CRYBG1: variants seen among roughly 807,000 people sequenced by gnomAD.
CRYBG1 encodes crystallin beta-gamma domain containing 1.
Under a neutral mutation model 189.2 loss-of-function variants are expected in CRYBG1, and 139 were observed. The ratio of observed to expected loss-of-function variants is 0.73; its 90% CI spans 0.64 to 0.85. The LOEUF (loss-of-function observed/expected upper bound fraction) is 0.85. CRYBG1 is among the 40% of genes least tolerant of loss of function. The pLI, the probability that CRYBG1 is intolerant of heterozygous loss-of-function variation, is 0.00. For synonymous variants in CRYBG1, 1,023 were observed against 1,017.1 expected (o/e 1.01, Z -0.11); for missense variants, 2,611 against 2,675.8 (o/e 0.98, Z 0.53).
chr6:106,369,837 A>G (rs1769979458), intron 1 of CRYBG1, among the ~76,000 whole-genome samples: 1 of 152,218 alleles, frequency 6.6e-6, no homozygotes, highest in Middle Eastern at 3.2e-3. Context: ...AGGCACTATT[A>G]TTAGTCCCAT....
At position 106,451,842 on chromosome 6, in the gene CRYBG1, C is replaced by T. The variant is rs1171949917; in HGVS notation, c.312+10C>T. On this transcript the variant is annotated intron_variant, in intron 2 of 21. Coordinates refer to ENST00000633556, the MANE Select transcript of CRYBG1 (RefSeq NM_001371242.2). ...TGGAATATTTAAAAAGGTAATGCTTCATTTCTAATGTTTGACTCCCAAGAA... is the reference window on the plus strand; with the variant it reads ...TGGAATATTTAAAAAGGTAATGCTTTATTTCTAATGTTTGACTCCCAAGAA... 6.5e-7 allele frequency: 1 copy of T among 1,532,552 alleles called. No individual in the cohort carries two copies. Among genetic ancestry groups the T allele is most frequent in the South Asian group, 1.2e-5 (1 of 83,694 alleles). 94.9% of individuals were successfully genotyped at this position (1,532,552 alleles called of 1,614,324 possible).
chr6:106,470,430 G>A (rs1205447008), intron 2 of CRYBG1, among the ~76,000 whole-genome samples: 4 of 151,978 alleles, frequency 2.6e-5, no homozygotes, highest in Non-Finnish European at 5.9e-5. Context: ...AAAATTAGCC[G>A]GGCGTGATGG....
chr6:106,569,744 T>C lies in CRYBG1; in HGVS notation c.*1178T>C, dbSNP rs1775001514. ...CCTCCTATCCACCTGCATCCACACA[T>C]GGCCTGCATGGGGCTGCCTTCCCTG... On this transcript the variant is annotated 3_prime_UTR_variant, in exon 22 of 22. Transcript: ENST00000633556. 6.6e-6 allele frequency: 1 copy of C among 152,236 alleles called. No homozygotes were observed. Among genetic ancestry groups the C allele is most frequent in the African/African-American group, 2.4e-5 (1 of 41,474 alleles). 9.4% of individuals were successfully genotyped at this position (152,236 alleles called of 1,614,324 possible).
At chr6:106,474,406 T>A (rs6568441) in intron 2 of CRYBG1, among the ~76,000 whole-genome samples, 86,988 of 152,096 alleles carry the variant, frequency 0.57, 25,202 homozygotes, top group Admixed American at 0.7. Context: ...ATAACCTGCA[T>A]ATTTGTATAG....
intron 1 of CRYBG1, among the ~76,000 whole-genome samples, chr6:106,395,991 T>C (rs1379329452): frequency 6.6e-6 from 1 of 152,162 alleles, no homozygotes; most frequent in East Asian, 1.9e-4. Flanking sequence ...TCCAACCGTA[T>C]GAAAGGGTCT....
At chr6:106,542,523 T>A (rs1356526200) in intron 10 of CRYBG1, among the ~76,000 whole-genome samples, 3 of 151,514 alleles carry the variant, frequency 2.0e-5, no homozygotes, top group African/African-American at 7.3e-5. Context: ...CAAGTGATCC[T>A]CCTGCCTTGG....
At position 106,512,166 on chromosome 6, in the gene CRYBG1, G is replaced by A. The variant is rs1375274709; in HGVS notation, c.1049G>A (p.Gly350Asp). ...TTGCCAGGTGAGCCTCCGGCCGAGG[G>A]CGCAGCGCACACGGCCAGCTCCGCG... ...SDLPGEPPAE[G>D]AAHTASSAQA... is the part of the protein sequence containing the mutation. The change falls in exon 3 of 22, where the codon GGC (glycine) becomes GAC (aspartate). Residue 350 changes from glycine to aspartate, a missense_variant. Physicochemically the swap from Gly to Asp is moderately conservative, Grantham distance 94. Transcript: ENST00000633556. The A allele has an allele frequency of 1.3e-6, 2 of 1,534,466 alleles. No individual in the cohort carries two copies. The highest frequency in any genetic ancestry group is 1.4e-5 in the African/African-American group (1 of 73,018).
At chr6:106,539,579 G>A (rs754339620) in intron 9 of CRYBG1, 50 bp downstream of exon 9, 179 of 1,570,784 alleles carry the variant, frequency 1.1e-4, no homozygotes, top group Non-Finnish European at 1.5e-4. Flanking sequence ...TCAGCTTGAC[G>A]TGGTAATTCA....
chr6:106,548,372 A>T (rs1582832127), intron 13 of CRYBG1, among the ~76,000 whole-genome samples: 2 of 152,240 alleles, frequency 1.3e-5, no homozygotes, highest in South Asian at 4.1e-4. Context: ...TAACATCTTA[A>T]TAAATTGTTT....
rs572446683 is a variant in CRYBG1, at chr6:106,428,071, C to T, written c.174-23623C>T. On this transcript the variant is annotated intron_variant, in intron 1 of 21. Coordinates refer to ENST00000633556, the MANE Select transcript of CRYBG1 (RefSeq NM_001371242.2). ...AAGACAGTACCTTCCATCACTTTATCGCCTGAAGCCACTTCATTTTTCTTT... is the reference window on the plus strand; with the variant it reads ...AAGACAGTACCTTCCATCACTTTATTGCCTGAAGCCACTTCATTTTTCTTT... Among the ~76,000 whole-genome samples the T allele has an allele frequency of 7.9e-5, 12 of 152,324 alleles. No homozygotes were observed. In the East Asian group the frequency reaches 1.5e-3, roughly 20 times the overall value.
chr6:106,500,764 C>G (rs1482876448), intron 2 of CRYBG1, among the ~76,000 whole-genome samples: 1 of 152,114 alleles, frequency 6.6e-6, no homozygotes, highest in African/African-American at 2.4e-5. Context: ...CTTCTCTTCC[C>G]CAGAGATTGT....
chr6:106,482,912 C>T (rs929856857), intron 2 of CRYBG1, among the ~76,000 whole-genome samples: 43 of 152,174 alleles, frequency 2.8e-4, no homozygotes, highest in African/African-American at 9.9e-4. Flanking sequence ...TTTGATGTTT[C>T]AATGTATGCT....
chr6:106,558,728 C>A, intron 18 of CRYBG1, 103 bp downstream of exon 18: 2 of 883,114 alleles, frequency 2.3e-6, no homozygotes, highest in Non-Finnish European at 3.2e-6. Context: ...TTTAGGAGGC[C>A]GAGGTAGAAG....
intron 17 of CRYBG1, among the ~76,000 whole-genome samples, chr6:106,557,217 A>G (rs1298184051): frequency 6.6e-6 from 1 of 152,224 alleles, no homozygotes; most frequent in Non-Finnish European, 1.5e-5. Context: ...TCTTTCCTCC[A>G]TGTATGTTTT....
At chr6:106,469,312 A>G (rs1772181311) in intron 2 of CRYBG1, among the ~76,000 whole-genome samples, 1 of 152,194 alleles carries the variant, frequency 6.6e-6, no homozygotes, top group Admixed American at 6.5e-5. Flanking sequence ...TACATGAGTT[A>G]TTTGCAGAGT....
intron 1 of CRYBG1, among the ~76,000 whole-genome samples, chr6:106,437,377 T>C (rs776724076): frequency 5.3e-5 from 8 of 152,188 alleles, no homozygotes; most frequent in Non-Finnish European, 1.2e-4. Flanking sequence ...TTTTAATGTA[T>C]GGAAATTTTT....
chr6:106,563,539 C>T (rs79907423), intron 20 of CRYBG1, among the ~76,000 whole-genome samples: 5,006 of 152,216 alleles, frequency 0.033, 269 homozygotes, highest in East Asian at 0.19. Flanking sequence ...AAGTCTCTGA[C>T]GATGCACAAA....
chr6:106,537,396 G>T (rs563475209), intron 8 of CRYBG1, among the ~76,000 whole-genome samples: 29 of 152,274 alleles, frequency 1.9e-4, no homozygotes, highest in African/African-American at 6.3e-4. Context: ...TTTTGTTAGA[G>T]AACAAAATCC....
chr6:106,465,463 G>T (rs1772097356), intron 2 of CRYBG1, among the ~76,000 whole-genome samples: 1 of 152,166 alleles, frequency 6.6e-6, no homozygotes, highest in Non-Finnish European at 1.5e-5. Flanking sequence ...GTACCTCAGG[G>T]CTGCAACAGG....
Sources: gnomAD v4.1 joint callset for allele counts (sites outside exome capture counted in the v4.1 genomes callset) on GRCh38, gnomAD v4.1.1 for gene constraint, MANE v1.5 for transcripts, NCBI Gene and HGNC (gene_info 2026-07-23, HGNC 2026-07-21) for gene names.